Variants in MLF1 observed in about 807,000 individuals in gnomAD.
The protein encoded by MLF1 is myelodysplasia-myeloid leukemia factor 1.
MLF1 carries 37 observed loss-of-function variants against 38.3 expected under a neutral mutation model. The ratio of observed to expected loss-of-function variants is 0.96; its 90% CI spans 0.74 to 1.27. MLF1 has a LOEUF of 1.27. MLF1 is among the 50% of genes most tolerant of loss of function. The pLI, the probability that MLF1 is intolerant of heterozygous loss-of-function variation, is 0.00. For missense variants in MLF1, 331 were observed against 349.2 expected, an observed-to-expected ratio of 0.95 and a Z score of 0.42; for synonymous variants, 95 against 106.5, an observed-to-expected ratio of 0.89 and a Z score of 0.66.
chr3:158,603,252 G>A (rs981311657), intron 7 of MLF1, among the ~76,000 whole-genome samples: 40 of 152,126 alleles, frequency 2.6e-4, no homozygotes, highest in African/African-American at 7.7e-4. Context: ...AAAACACATT[G>A]TAATATGGAT....
intron 3 of MLF1, 86 bp downstream of exon 3, chr3:158,593,512 T>C: frequency 9.3e-7 from 1 of 1,069,558 alleles, no homozygotes; most frequent in South Asian, 1.5e-5. Context: ...TGAATTGGCA[T>C]GCAGCCTCAC....
At chr3:158,575,271 G>A (rs985838201) in intron 1 of MLF1, among the ~76,000 whole-genome samples, 1 of 152,030 alleles carries the variant, frequency 6.6e-6, no homozygotes, top group Admixed American at 6.5e-5. Flanking sequence ...TCATCACAAA[G>A]CTTTTGCATA....
chr3:158,591,015 C>G (rs930372630), intron 1 of MLF1: 2 of 431,418 alleles, frequency 4.6e-6, no homozygotes, highest in African/African-American at 4.1e-5. Context: ...TAAATCTGAG[C>G]TCTTTTGGAA....
At position 158,602,804 on chromosome 3, in the gene MLF1, T is replaced by C. The variant is rs375333288; in HGVS notation, c.614-3T>C. The C allele has an allele frequency of 1.3e-5, 21 of 1,612,590 alleles. No individual in the cohort carries two copies. In the African/African-American group the frequency reaches 2.8e-4, roughly 22 times the overall value. ...ATTCCCATTATTTTTCTGTTTGACA[T>C]AGGTGATGCTCATGCTTTTGATGAG... On this transcript the variant is annotated splice_region_variant and splice_polypyrimidine_tract_variant and intron_variant, in intron 6 of 7. Transcript: ENST00000466246.
Position 158,592,551 on chromosome 3 carries a change from A to G in MLF1, c.165A>G (p.Arg55=). 2 of 1,611,548 alleles carry G rather than the reference A, an allele frequency of 1.2e-6. No homozygotes were observed. Among genetic ancestry groups the G allele is most frequent in the Non-Finnish European group, 1.7e-6 (2 of 1,179,338 alleles). ...GTAGAGGGAGAGCTCATAATCGTAG[A>G]GGACATAATGATGGTGAAGATTCTT... ...SDGRGRAHNR[R]GHNDGEDSLT... The change falls in exon 2 of 8, where the codon AGA becomes AGG. Residue 55 remains arginine, a synonymous_variant. Coordinates refer to ENST00000466246, the MANE Select transcript of MLF1 (RefSeq NM_001369783.1).
chr3:158,602,437 G>A (rs553465047), intron 6 of MLF1, among the ~76,000 whole-genome samples: 2 of 152,268 alleles, frequency 1.3e-5, no homozygotes, highest in East Asian at 1.9e-4. Flanking sequence ...ATGGTTAGGT[G>A]AATAGAAGTG....
intron 3 of MLF1, among the ~76,000 whole-genome samples, chr3:158,595,247 A>G (rs779802869): frequency 6.6e-6 from 1 of 152,136 alleles, no homozygotes; most frequent in Non-Finnish European, 1.5e-5. Flanking sequence ...TACTTGAATC[A>G]TGAGAAGGAA....
chr3:158,594,892 G>A (rs983685434), intron 3 of MLF1, among the ~76,000 whole-genome samples: 1 of 152,098 alleles, frequency 6.6e-6, no homozygotes, highest in Non-Finnish European at 1.5e-5. Context: ...TGGCATTTGA[G>A]GCATCTGTGA....
intron 5 of MLF1, among the ~76,000 whole-genome samples, chr3:158,599,430 T>C (rs1159845605): frequency 6.6e-6 from 1 of 152,224 alleles, no homozygotes; most frequent in African/African-American, 2.4e-5. Flanking sequence ...TTTTAGTTCT[T>C]ACATATAAAG....
rs1373778572 is a variant in MLF1, at chr3:158,571,267, G to T, written c.-34G>T. 2 of 1,560,850 alleles carry T rather than the reference G, an allele frequency of 1.3e-6. No homozygotes were observed. Among genetic ancestry groups the T allele is most frequent in the Admixed American group, 1.7e-5 (1 of 59,672 alleles). On this transcript the variant is annotated 5_prime_UTR_variant, in exon 1 of 8. Coordinates refer to ENST00000466246, the MANE Select transcript of MLF1 (RefSeq NM_001369783.1). The stretch of plus-strand genomic sequence containing the variant: ...CGAGTTAACATCGTTTTTCCAATCT[G>T]TCCGCGGCTGCCGCCACCCAAGACA...
chr3:158,602,640 C>CA (rs1394547875), intron 6 of MLF1, among the ~76,000 whole-genome samples, 167 bp from the exon 7 acceptor site: 1 of 152,136 alleles, frequency 6.6e-6, no homozygotes, highest in Non-Finnish European at 1.5e-5. Context: ...GACAGGAAAA[C>CA]AAATACTACT....
At chr3:158,581,321 C>G (rs954534897) in intron 1 of MLF1, among the ~76,000 whole-genome samples, 5 of 152,206 alleles carry the variant, frequency 3.3e-5, no homozygotes, top group African/African-American at 1.2e-4. Context: ...TCTCATGCTT[C>G]CAGCAGAAGA....
rs1666232137 is a variant in MLF1 at position 158,605,247 on chromosome 3, T to C, written c.*45T>C. ...GTTTAGTTTTGATTGTTTTAACAGT[T>C]AGTAATGGTGCTGGGTAATAAGCAT... On this transcript the variant is annotated 3_prime_UTR_variant, in exon 8 of 8. Transcript: ENST00000466246. 8 of 1,455,920 alleles carry C rather than the reference T, an allele frequency of 5.5e-6. No homozygotes were observed. Among genetic ancestry groups the C allele is most frequent in the Non-Finnish European group, 6.7e-6 (7 of 1,048,442 alleles). 90.2% of individuals were successfully genotyped at this position (1,455,920 alleles called of 1,614,324 possible). A position where few individuals can be genotyped will look rare whatever the true frequency, so the allele number is the denominator to read the frequency against.
chr3:158,571,214 TG>T lies in MLF1; in HGVS notation c.-85del. On this transcript the variant is annotated 5_prime_UTR_variant, in exon 1 of 8. Transcript: ENST00000466246. ...GCGGCGAGTGAGGCGTCGTCCGTAC[TG>T]GAGGCTAGCTCTTGTCGCGGCCGCG... 9.1e-7 allele frequency: 1 copy of T among 1,104,338 alleles called. No homozygotes were observed. Among genetic ancestry groups the T allele is most frequent in the Admixed American group, 1.8e-5 (1 of 56,128 alleles). The allele number at this position is 1,104,338 out of a possible 1,614,324, so 68.4% of individuals were successfully genotyped here.
Position 158,600,645 on chromosome 3 carries a change from T to C in MLF1, c.613+472T>C, listed in dbSNP as rs375005585. On this transcript the variant is annotated intron_variant, in intron 6 of 7. Transcript: ENST00000466246. ...AGTTTATATTGTGCTTATTTTAATT[T>C]ACCATTATAATTGTAAAGTTACTTA... 3.0e-4 allele frequency among the ~76,000 whole-genome samples: 45 copies of C among 151,778 alleles called. 2 individuals carry two copies. The East Asian group carries it at 5.8e-3, about 20-fold the overall frequency.
intron 4 of MLF1, 89 bp from the exon 5 acceptor site, chr3:158,597,991 C>T (rs1719139646): frequency 5.2e-6 from 7 of 1,358,454 alleles, no homozygotes; most frequent in Admixed American, 3.8e-5. Flanking sequence ...CTTAGTAGAA[C>T]TTACAGCTAG....
chr3:158,597,802 A>T (rs1719106235), intron 4 of MLF1, among the ~76,000 whole-genome samples: 2 of 152,100 alleles, frequency 1.3e-5, no homozygotes, highest in Admixed American at 6.6e-5. Context: ...AGACTTAAGG[A>T]TCTCTGAGTG....
chr3:158,601,616 G>A (rs1391381255), intron 6 of MLF1, among the ~76,000 whole-genome samples: 1 of 150,504 alleles, frequency 6.6e-6, no homozygotes. Context: ...AATCAGCTGG[G>A]CATGGTGGCC....
At chr3:158,604,886 T>C (rs1476866754) in intron 7 of MLF1, among the ~76,000 whole-genome samples, 1 of 152,106 alleles carries the variant, frequency 6.6e-6, no homozygotes, top group Non-Finnish European at 1.5e-5. Context: ...CTCGATCTCT[T>C]AACTTGTGAT....
Sources: gnomAD v4.1 joint callset for allele counts (sites outside exome capture counted in the v4.1 genomes callset) on GRCh38, gnomAD v4.1.1 for gene constraint, MANE v1.5 for transcripts, NCBI Gene and HGNC (gene_info 2026-07-23, HGNC 2026-07-21) for gene names.